The following TEP1 variants were observed in gnomAD, a reference collection of about 807,000 sequenced individuals.
TEP1 encodes the protein telomerase associated protein 1.
Under a neutral mutation model 306.3 loss-of-function variants are expected in TEP1, and 241 were observed. The observed-to-expected ratio is 0.79, with a 90% CI of 0.71 to 0.88. The LOEUF is 0.88. Ranked by LOEUF, TEP1 falls within the 40% of genes least tolerant of loss-of-function variation. TEP1 has a pLI of 0.00. For missense variants in TEP1, 3,051 were observed against 3,276.1 expected (o/e 0.93, Z 1.68); for synonymous variants, 1,289 against 1,305.5 (o/e 0.99, Z 0.27).
intron 39 of TEP1, 134 bp from the exon 40 acceptor site, chr14:20,377,887 G>C: frequency 3.4e-6 from 5 of 1,451,074 alleles, no homozygotes; most frequent in Non-Finnish European, 3.8e-6. Flanking sequence ...TGCACACAGC[G>C]GCACCCCTCT....
At chr14:20,403,313 T>C in intron 7 of TEP1, 64 bp downstream of exon 7, 3 of 1,573,778 alleles carry the variant, frequency 1.9e-6, no homozygotes, top group Non-Finnish European at 2.6e-6. Flanking sequence ...AGAATTTTGT[T>C]CGTAAATATT....
Position 20,386,112 on chromosome 14 carries a change from G to C in TEP1, c.2945C>G (p.Pro982Arg). The C allele has an allele frequency of 6.2e-7, 1 of 1,613,002 alleles. No individual in the cohort carries two copies. The highest frequency in any genetic ancestry group is 8.5e-7 in the Non-Finnish European group (1 of 1,179,602). ...ILGSRYGYIPPSYNLPDHPHF... is the reference protein window; with the variant it reads ...ILGSRYGYIPRSYNLPDHPHF... ...TGGATGGTCAGGAAGGTTGTAGCTG[G>C]GGGGAATGTATCCATAACGGGAGCC... Residue 982 changes from proline to arginine, a missense_variant, in exon 20 of 55, where the codon CCC becomes CGC. By Grantham distance (103) the Pro-to-Arg change is moderately radical (BLOSUM62 -2). Transcript: ENST00000262715.
chr14:20,404,562 A>T, intron 5 of TEP1, 49 bp downstream of exon 5: 1 of 1,576,202 alleles, frequency 6.3e-7, no homozygotes, highest in Non-Finnish European at 8.6e-7. Flanking sequence ...AGTGAGCATA[A>T]GAGAAGGAAT....
intron 3 of TEP1, 132 bp from the exon 4 acceptor site, chr14:20,405,717 A>C: frequency 9.0e-7 from 1 of 1,105,256 alleles, no homozygotes; most frequent in Non-Finnish European, 1.3e-6. Flanking sequence ...TTGAGAACTT[A>C]CAAAAGGGGA....
rs745913276 is a variant in TEP1 at position 20,401,571 on chromosome 14, G to A, written c.1277C>T (p.Ala426Val). The change falls in exon 8 of 55, where the codon GCC (alanine) becomes GTC (valine). Residue 426 changes from alanine to valine, a missense_variant. Around this residue, in one of 3 missense-constraint regions of TEP1, gnomAD observed 1,507 missense variants for 1,550.5 expected, o/e 0.97. Transcript: ENST00000262715. ...LREEQRKFEK[A>V]GDTVSEKKNP... ...CTTTTTCTCTGACACTGTATCACCG[G>A]CCTTCTCAAACTGTGGAAACATCCC... The A allele has an allele frequency of 3.1e-6, 5 of 1,614,114 alleles. No individual in the cohort carries two copies. The highest frequency in any genetic ancestry group is 4.2e-6 in the Non-Finnish European group (5 of 1,180,014).
At chr14:20,372,937 A>C (rs1246917942) in intron 48 of TEP1, 74 bp downstream of exon 48, 3 of 1,613,222 alleles carry the variant, frequency 1.9e-6, no homozygotes, top group Non-Finnish European at 2.5e-6. Flanking sequence ...CACATATGCA[A>C]CCTCTAACGC....
intron 1 of TEP1, 118 bp from the exon 2 acceptor site, chr14:20,408,581 AC>A (rs1879395949): frequency 2.5e-6 from 2 of 807,820 alleles, no homozygotes; most frequent in African/African-American, 1.7e-5. Flanking sequence ...GTAGAAAACA[AC>A]CAATGTTGTT....
At position 20,369,165 on chromosome 14, in the gene TEP1, G is replaced by A. The variant is rs368510757; in HGVS notation, c.7656+179C>T. 3.6e-3 allele frequency among the ~76,000 whole-genome samples: 549 copies of A among 152,052 alleles called. 6 individuals are homozygous for A. Among genetic ancestry groups the A allele is most frequent in the African/African-American group, 0.013 (525 of 41,492 alleles). ...TGGGACTACAGGCACCCGCCACCAC[G>A]CCCAGCTAATTTTTTGTATTTTTTA... On this transcript the variant is annotated intron_variant, in intron 53 of 54. Transcript: ENST00000262715.
At chr14:20,372,899 C>G (rs1248405309) in intron 48 of TEP1, 42 bp from the exon 49 acceptor site, 1 of 1,613,578 alleles carries the variant, frequency 6.2e-7, no homozygotes. Context: ...TCTGATGAGC[C>G]AGGATGCACC....
In TEP1 at chr14:20,366,858, G is replaced by A. The variant is rs1884497739; in HGVS notation, c.*1579C>T. On this transcript the variant is annotated 3_prime_UTR_variant, in exon 55 of 55. Coordinates refer to ENST00000262715, the MANE Select transcript of TEP1 (RefSeq NM_007110.5). ...AACCCTCAGAAAGAAAGGGCCTGAG[G>A]AAACTAAAGTCAGTGGTTTCAATCT... 6.6e-6 allele frequency: 1 copy of A among 152,136 alleles called. No individual in the cohort carries two copies. The highest frequency in any genetic ancestry group is 2.1e-4 in the South Asian group (1 of 4,830). The allele number at this position is 152,136 out of a possible 1,614,324, so 9.4% of individuals were successfully genotyped here. A position where few individuals can be genotyped will look rare whatever the true frequency, so the allele number is the denominator to read the frequency against.
chr14:20,396,819 T>C, intron 9 of TEP1, 89 bp from the exon 10 acceptor site: 1 of 895,738 alleles, frequency 1.1e-6, no homozygotes, highest in Non-Finnish European at 1.7e-6. Flanking sequence ...CCAAGGAGGC[T>C]GAGACAGAAG....
Position 20,381,303 on chromosome 14 carries a change from A to C in TEP1, c.4647+10T>G. The stretch of plus-strand genomic sequence containing the variant: ...TTTGGGAAAGGTGTCTATGGGGTCT[A>C]GGAACTAACCAGGTGGTAAGGCAGG... On this transcript the variant is annotated intron_variant, in intron 32 of 54. Coordinates refer to ENST00000262715, the MANE Select transcript of TEP1 (RefSeq NM_007110.5). The surrounding 1 kb of genome is among the most constrained non-coding windows in gnomAD (Gnocchi z 4.0). 2.5e-6 allele frequency: 4 copies of C among 1,614,038 alleles called. No homozygotes were observed. The highest frequency in any genetic ancestry group is 3.4e-6 in the Non-Finnish European group (4 of 1,179,848).
chr14:20,377,717 C>A lies in TEP1; in HGVS notation c.5758G>T (p.Gly1920Trp). Residue 1920 changes from glycine (G) to tryptophan (W), a missense_variant, in exon 40 of 55, where the codon GGG (glycine) becomes TGG (tryptophan). Transcript: ENST00000262715. ...VWSGSLGRPR[G>W]HLGSLSLSPA... ...GAGAGAGAAAGGGAACCCAGGTGCCCACGGGGCCGACCCAGAGACCCTGAC... is the reference window on the plus strand; with the variant it reads ...GAGAGAGAAAGGGAACCCAGGTGCCAACGGGGCCGACCCAGAGACCCTGAC... 1.2e-6 allele frequency: 2 copies of A among 1,614,040 alleles called. No individual in the cohort carries two copies. Among genetic ancestry groups the A allele is most frequent in the Non-Finnish European group, 1.7e-6 (2 of 1,180,000 alleles).
In TEP1 at chr14:20,380,951, A is replaced by C. The variant is rs1195569297; in HGVS notation, c.4742T>G (p.Leu1581Trp). 6.2e-7 allele frequency: 1 copy of C among 1,614,178 alleles called. No individual in the cohort carries two copies. Among genetic ancestry groups the C allele is most frequent in the Admixed American group, 1.7e-5 (1 of 60,026 alleles). ...CTCACCATAGAGGGCATGGGCCTCC[A>C]AGAGCCGAGAGACCAGACCCAATTC... ...HLELGLVSRL[L>W]EAHALYASSV... The change falls in exon 33 of 55, where the codon TTG becomes TGG. Residue 1581 changes from leucine to tryptophan, a missense_variant. By Grantham distance (61) the Leu-to-Trp change is moderately conservative. Coordinates refer to ENST00000262715, the MANE Select transcript of TEP1 (RefSeq NM_007110.5).
chr14:20,394,142 T>A (rs1877975478), intron 12 of TEP1, among the ~76,000 whole-genome samples: 1 of 151,808 alleles, frequency 6.6e-6, no homozygotes, highest in Admixed American at 6.6e-5. Flanking sequence ...AGTGGCATGA[T>A]CATAGCTCAC....
chr14:20,367,381 A>C lies in TEP1; in HGVS notation c.*1056T>G, dbSNP rs1204810268. 1 of 151,962 alleles carries C rather than the reference A, an allele frequency of 6.6e-6. No individual in the cohort carries two copies. The highest frequency in any genetic ancestry group is 1.5e-5 in the Non-Finnish European group (1 of 67,996). 9.4% of individuals were successfully genotyped at this position (151,962 alleles called of 1,614,324 possible). A position where few individuals can be genotyped will look rare whatever the true frequency, so the allele number is the denominator to read the frequency against. Reference sequence around the variant, plus strand: ...CTATCTCAAAAACAAAAAAAAAAAAAAAAGGTTTTTTACTTAAGAAAATCA... The same window carrying C: ...CTATCTCAAAAACAAAAAAAAAAAACAAAGGTTTTTTACTTAAGAAAATCA... On this transcript the variant is annotated 3_prime_UTR_variant, in exon 55 of 55. Transcript: ENST00000262715.
intron 44 of TEP1, 113 bp from the exon 45 acceptor site, chr14:20,373,923 G>A: frequency 7.1e-7 from 1 of 1,413,894 alleles, no homozygotes; most frequent in South Asian, 1.3e-5. Context: ...GTCAATGAGG[G>A]AGGAGAACTC....
chr14:20,388,205 A>G (rs1298983242), intron 17 of TEP1, 142 bp from the exon 18 acceptor site: 2 of 806,592 alleles, frequency 2.5e-6, no homozygotes, highest in Non-Finnish European at 3.9e-6. Flanking sequence ...GACCATAAGC[A>G]GTTTATGCAG....
intron 18 of TEP1, 121 bp downstream of exon 18, chr14:20,387,784 G>A: frequency 3.3e-6 from 4 of 1,226,440 alleles, no homozygotes; most frequent in Non-Finnish European, 4.5e-6. Context: ...TGAGAAAGAG[G>A]AAGCATGCCT....
Sources: allele counts gnomAD v4.1 joint callset (sites outside exome capture counted in the v4.1 genomes callset), GRCh38; gene constraint gnomAD v4.1.1; regional missense constraint gnomAD v4.1.1; non-coding constraint Gnocchi (gnomAD v3.1); transcripts MANE v1.5; gene names NCBI Gene and HGNC (gene_info 2026-07-23, HGNC 2026-07-21).